Variants in ADGB observed in about 807,000 individuals in gnomAD.
ADGB encodes the protein calpain-7-like protein.
ADGB carries 172 observed loss-of-function variants against 210.5 expected under a neutral mutation model. The observed-to-expected ratio is 0.82, with a 90% CI of 0.72 to 0.93. ADGB has a LOEUF of 0.93. Ranked by LOEUF, ADGB falls within the 40% of genes least tolerant of loss-of-function variation. The pLI is 0.00. For missense variants in ADGB, 2,025 were observed against 1,964.8 expected, an observed-to-expected ratio of 1.03 and a Z score of -0.58; for synonymous variants, 658 against 662.7, an observed-to-expected ratio of 0.99 and a Z score of 0.11.
chr6:146,779,829 C>T (rs1777773447), intron 29 of ADGB, among the ~76,000 whole-genome samples: 1 of 148,024 alleles, frequency 6.8e-6, no homozygotes, highest in Non-Finnish European at 1.5e-5. Context: ...ACAAACTTGC[C>T]CTACAAAAGT....
intron 13 of ADGB, among the ~76,000 whole-genome samples, chr6:146,711,860 C>G (rs183512228): frequency 4.0e-4 from 61 of 151,892 alleles, no homozygotes; most frequent in African/African-American, 1.4e-3. Context: ...GAAACCCCAT[C>G]TCTACAAAAA....
chr6:146,611,239 C>T (rs1780704992), intron 1 of ADGB, among the ~76,000 whole-genome samples: 1 of 152,002 alleles, frequency 6.6e-6, no homozygotes, highest in African/African-American at 2.4e-5. Flanking sequence ...CGGGCAGGGA[C>T]TTTTGGAAAG....
chr6:146,731,532 C>G (rs552034992), intron 20 of ADGB, among the ~76,000 whole-genome samples: 1 of 152,008 alleles, frequency 6.6e-6, no homozygotes, highest in Admixed American at 6.6e-5. Flanking sequence ...AGGATCTTGG[C>G]TACCTTACTG....
chr6:146,665,779 T>A (rs1294890009), intron 6 of ADGB, among the ~76,000 whole-genome samples: 1 of 152,116 alleles, frequency 6.6e-6, no homozygotes, highest in African/African-American at 2.4e-5. Context: ...TATTTTTCCA[T>A]AATTTTTTTC....
intron 1 of ADGB, among the ~76,000 whole-genome samples, chr6:146,620,778 A>C (rs1367834412): frequency 6.6e-6 from 1 of 152,028 alleles, no homozygotes; most frequent in Admixed American, 6.6e-5. Flanking sequence ...ACTCTGCCAG[A>C]TCTCATAGAT....
chr6:146,734,157 A>C, intron 22 of ADGB, 127 bp downstream of exon 22: 5 of 960,450 alleles, frequency 5.2e-6, no homozygotes, highest in South Asian at 1.8e-5. Flanking sequence ...TAAATAATGA[A>C]ATTATTTGAA....
chr6:146,623,948 CAT>C (rs1401130168), intron 1 of ADGB, among the ~76,000 whole-genome samples: 1 of 151,840 alleles, frequency 6.6e-6, no homozygotes, highest in Non-Finnish European at 1.5e-5. Context: ...TTTTAATACA[CAT>C]ATTGTAGTAT....
chr6:146,804,991 G>A (rs560276391), intron 35 of ADGB, among the ~76,000 whole-genome samples: 5 of 152,148 alleles, frequency 3.3e-5, no homozygotes, highest in Non-Finnish European at 7.3e-5. Context: ...TAAGCAATAA[G>A]CCAGATTAAC....
rs1372451787 is a variant in ADGB at position 146,714,280 on chromosome 6, A to G, written c.1708-1102A>G. On this transcript the variant is annotated intron_variant, in intron 13 of 35. Transcript: ENST00000397944. ...GGATAATTGAGGATGAGTGAGTTTT[A>G]TTTGGAGGTGGGGCTGGCTCCCAAT... Among the ~76,000 whole-genome samples the G allele has an allele frequency of 2.0e-5, 3 of 150,702 alleles. No individual in the cohort carries two copies. In the East Asian group the frequency reaches 5.9e-4, roughly 30 times the overall value.
intron 27 of ADGB, among the ~76,000 whole-genome samples, chr6:146,762,254 A>C (rs937698041): frequency 6.6e-6 from 1 of 151,936 alleles, no homozygotes; most frequent in African/African-American, 2.4e-5. Context: ...AATCATTTCT[A>C]TTGCTTGTAT....
At chr6:146,612,738 A>T (rs561858835) in intron 1 of ADGB, among the ~76,000 whole-genome samples, 22 of 152,028 alleles carry the variant, frequency 1.4e-4, no homozygotes, top group African/African-American at 4.6e-4. Context: ...TGCTCTTTTT[A>T]AAAAAAGAAG....
chr6:146,720,088 A>G (rs1776791986), intron 16 of ADGB, among the ~76,000 whole-genome samples: 1 of 152,148 alleles, frequency 6.6e-6, no homozygotes. Context: ...GAATAATGTG[A>G]AAAACTTTTA....
rs66891404 is a variant in ADGB, at chr6:146,791,921, C to CT, written c.4537+3333dup. Among the ~76,000 whole-genome samples, 893 of 112,472 alleles carry CT rather than the reference C, an allele frequency of 7.9e-3. 11 individuals are homozygous for CT. The highest frequency in any genetic ancestry group is 0.022 in the African/African-American group (645 of 29,278). The allele number at this position is 112,472 out of a possible 152,430, so 73.8% of individuals were successfully genotyped here. ...TACAGGCATGTGCCACTGCACCTTGCTTTTTTTTTTTTTTTTTTTTTTAAT... is the reference window on the plus strand; with the variant it reads ...TACAGGCATGTGCCACTGCACCTTGCTTTTTTTTTTTTTTTTTTTTTTTAAT... On this transcript the variant is annotated intron_variant, in intron 33 of 35. Transcript: ENST00000397944.
intron 2 of ADGB, among the ~76,000 whole-genome samples, chr6:146,643,100 C>T (rs1775542600): frequency 6.6e-6 from 1 of 151,840 alleles, no homozygotes; most frequent in Middle Eastern, 3.4e-3. Context: ...TGGGGAAACC[C>T]CAGAAGTGTA....
chr6:146,733,780 C>A (rs1777038721), intron 21 of ADGB, 113 bp from the exon 22 acceptor site: 1 of 1,151,006 alleles, frequency 8.7e-7, no homozygotes, highest in African/African-American at 1.6e-5. Context: ...ATGATGCTAA[C>A]TCTTGCAATG....
rs747359229 is a variant in ADGB, at chr6:146,807,560, G to GA, written c.4818+5557dup. The GA allele has an allele frequency of 2.5e-5, 38 of 1,532,660 alleles. No homozygotes were observed. In the Admixed American group the frequency reaches 4.4e-4, roughly 18 times the overall value. The allele number at this position is 1,532,660 out of a possible 1,614,324, so 94.9% of individuals were successfully genotyped here. ...AGATGACCCCAGCTCCTGACACACA[G>GA]AAAAAAAAGAAAGGAAAGAAAAAGT... On this transcript the variant is annotated intron_variant, in intron 35 of 35. Coordinates refer to ENST00000397944, the MANE Select transcript of ADGB (RefSeq NM_024694.4).
intron 29 of ADGB, among the ~76,000 whole-genome samples, chr6:146,776,396 A>G (rs259413): frequency 0.51 from 77,558 of 151,720 alleles, 20,372 homozygotes; most frequent in Admixed American, 0.61. Context: ...CATTATACTA[A>G]ATGAAATTAG....
At chr6:146,782,935 G>A (rs1777823152) in intron 30 of ADGB, among the ~76,000 whole-genome samples, 1 of 152,150 alleles carries the variant, frequency 6.6e-6, no homozygotes, top group Admixed American at 6.5e-5. Context: ...TTTATGCCTA[G>A]GTTAAGCAGG....
intron 1 of ADGB, among the ~76,000 whole-genome samples, chr6:146,629,234 A>T (rs1431721504): frequency 6.6e-6 from 1 of 152,190 alleles, no homozygotes; most frequent in Non-Finnish European, 1.5e-5. Context: ...AGCAGTGGGT[A>T]TATTCTGCCA....
Sources: gnomAD v4.1 joint callset for allele counts (sites outside exome capture counted in the v4.1 genomes callset) on GRCh38, gnomAD v4.1.1 for gene constraint, MANE v1.5 for transcripts, NCBI Gene and HGNC (gene_info 2026-07-23, HGNC 2026-07-21) for gene names.